The following PCDHGB2 variants were observed in gnomAD, a reference collection of about 807,000 sequenced individuals.
The protein encoded by PCDHGB2 is protocadherin gamma subfamily B, 2, also known as protocadherin gamma-B2.
In PCDHGB2, 55 loss-of-function variants were observed where a neutral mutation model predicts 59.3. That is an observed-to-expected ratio of 0.93 (90% CI 0.75 to 1.16). The LOEUF (loss-of-function observed/expected upper bound fraction) is 1.16. Ranked by LOEUF, PCDHGB2 falls within the 50% of genes most tolerant of loss-of-function variation. PCDHGB2 has a pLI of 0.00. For synonymous variants in PCDHGB2, 516 were observed against 512.0 expected (o/e 1.01, Z -0.11); for missense variants, 1,228 against 1,198.5 (o/e 1.02, Z -0.36).
chr5:141,494,528 G>A lies in PCDHGB2; in HGVS notation c.2422-279G>A, dbSNP rs189993899. On this transcript the variant is annotated intron_variant, in intron 1 of 3. Coordinates refer to ENST00000522605, the MANE Select transcript of PCDHGB2 (RefSeq NM_018923.3). ...ATTTTGGCTCAGGAGTTCTGACTCTGGGGGCAGGGAGGAAGGGGCCATTTC... is the reference window on the plus strand; with the variant it reads ...ATTTTGGCTCAGGAGTTCTGACTCTAGGGGCAGGGAGGAAGGGGCCATTTC... 3.0e-4 allele frequency among the ~76,000 whole-genome samples: 45 copies of A among 152,274 alleles called. 1 individual carries two copies. Among genetic ancestry groups the A allele is most frequent in the African/African-American group, 1.0e-3 (42 of 41,542 alleles).
intron 1 of PCDHGB2, chr5:141,409,496 C>CT (rs1276498782): frequency 6.2e-7 from 1 of 1,614,044 alleles, no homozygotes; most frequent in South Asian, 1.1e-5. Context: ...CAAGCCGCCT[C>CT]TTTCTTCCAG....
At chr5:141,473,401 T>G (rs1285517100) in intron 1 of PCDHGB2, among the ~76,000 whole-genome samples, 3 of 152,222 alleles carry the variant, frequency 2.0e-5, no homozygotes. Context: ...GCTTCTTTTT[T>G]TCTTCTTCAG....
In PCDHGB2 at chr5:141,487,476, A is replaced by G; in HGVS notation, c.2422-7331A>G. Reference sequence around the variant, plus strand: ...ATCAAGTTTGTTGATGTGGGAGGCCACTCTCATGGCTGTACACCCTTGGCT... The same window carrying G: ...ATCAAGTTTGTTGATGTGGGAGGCCGCTCTCATGGCTGTACACCCTTGGCT... On this transcript the variant is annotated intron_variant, in intron 1 of 3. Transcript: ENST00000522605. The surrounding 1 kb of genome is among the most constrained non-coding windows in gnomAD (Gnocchi z 5.0). The G allele has an allele frequency of 6.2e-7, 1 of 1,614,004 alleles. No homozygotes were observed. Among genetic ancestry groups the G allele is most frequent in the Non-Finnish European group, 8.5e-7 (1 of 1,180,002 alleles).
rs201412037 is a variant in PCDHGB2, at chr5:141,421,093, A to G, written c.2421+58537A>G. The G allele has an allele frequency of 3.5e-5, 23 of 665,630 alleles. No homozygotes were observed. In the East Asian group the frequency reaches 6.2e-4, roughly 18 times the overall value. 41.2% of individuals were successfully genotyped at this position (665,630 alleles called of 1,614,324 possible). On this transcript the variant is annotated intron_variant, in intron 1 of 3. Coordinates refer to ENST00000522605, the MANE Select transcript of PCDHGB2 (RefSeq NM_018923.3). ...GAGATGGATACTCACAGATCCTGAC[A>G]CTGGAGACTTAGAAGTATTTTCCTT... is the stretch of plus-strand genomic sequence containing the variant.
Position 141,487,623 on chromosome 5 carries a change from CT to C in PCDHGB2, c.2422-7181del. 1 of 1,614,206 alleles carries C rather than the reference CT, an allele frequency of 6.2e-7. No homozygotes were observed. Among genetic ancestry groups the C allele is most frequent in the Non-Finnish European group, 8.5e-7 (1 of 1,180,044 alleles). On this transcript the variant is annotated intron_variant, in intron 1 of 3. Transcript: ENST00000522605. This position sits in a 1 kb window ranked among gnomAD's most constrained non-coding sequence, Gnocchi z 5.0. ...CTTCTCTATGGGCTAGAGGTGAGAC[CT>C]TTGCAGGCTCAACAAATGCTTGAGG...
intron 1 of PCDHGB2, chr5:141,419,230 C>G (rs1439568232): frequency 6.2e-7 from 1 of 1,613,910 alleles, no homozygotes; most frequent in Non-Finnish European, 8.5e-7. Context: ...AGTCAGCCTA[C>G]CTGGTCCACG....
chr5:141,508,241 T>G (rs1475142426), intron 3 of PCDHGB2: 2 of 152,286 alleles, frequency 1.3e-5, no homozygotes, highest in East Asian at 3.9e-4. Context: ...CTCCTAAGTC[T>G]GCCTCTCCTG....
chr5:141,375,671 C>T (rs781705381), intron 1 of PCDHGB2: 14 of 1,614,148 alleles, frequency 8.7e-6, no homozygotes, highest in South Asian at 7.7e-5. Context: ...AGACCTACAG[C>T]TGTGGGTGAC....
chr5:141,400,858 G>A (rs1332975731), intron 1 of PCDHGB2, among the ~76,000 whole-genome samples: 1 of 152,108 alleles, frequency 6.6e-6, no homozygotes, highest in Non-Finnish European at 1.5e-5. Context: ...TTTATTGTAT[G>A]TAGATAAACC....
intron 1 of PCDHGB2, chr5:141,395,542 T>G (rs1357533541): frequency 1.8e-5 from 3 of 170,278 alleles, no homozygotes; most frequent in South Asian, 8.8e-5. Context: ...TTGCTATTGT[T>G]TGTGTGTGTG....
intron 1 of PCDHGB2, chr5:141,478,776 A>G (rs961079570): frequency 1.3e-6 from 2 of 1,488,690 alleles, no homozygotes; most frequent in East Asian, 2.5e-5. Flanking sequence ...TCATCTGTGG[A>G]CCTAATTCAC....
At chr5:141,372,314 G>T (rs369724462) in intron 1 of PCDHGB2, 1 of 1,613,578 alleles carries the variant, frequency 6.2e-7, no homozygotes, top group East Asian at 2.2e-5. Context: ...CCGCCCGCCA[G>T]CGCCTGCTGG....
In PCDHGB2 at chr5:141,489,152, A is replaced by C; in HGVS notation, c.2422-5655A>C. The C allele has an allele frequency of 2.1e-6, 2 of 960,350 alleles. No individual in the cohort carries two copies. Among genetic ancestry groups the C allele is most frequent in the Non-Finnish European group, 3.1e-6 (2 of 640,552 alleles). 59.5% of individuals were successfully genotyped at this position (960,350 alleles called of 1,614,324 possible). A position where few individuals can be genotyped will look rare whatever the true frequency, so the allele number is the denominator to read the frequency against. On this transcript the variant is annotated intron_variant, in intron 1 of 3. Transcript: ENST00000522605. This position sits in a 1 kb window ranked among gnomAD's most constrained non-coding sequence, Gnocchi z 4.5. The stretch of plus-strand genomic sequence containing the variant: ...TTTTAAGAGGCTGGAAGGAGACATA[A>C]GAGACTTCAGCTGCTGCATTCCAAG...
intron 1 of PCDHGB2, chr5:141,441,111 G>A (rs1457975305): frequency 1.3e-5 from 2 of 152,194 alleles, no homozygotes; most frequent in Non-Finnish European, 1.5e-5. Flanking sequence ...TCATTGTCCA[G>A]TGTACAGTTG....
At chr5:141,427,386 A>G (rs2097020887) in intron 1 of PCDHGB2, 1 of 459,098 alleles carries the variant, frequency 2.2e-6, no homozygotes, top group Non-Finnish European at 4.4e-6. Context: ...CACTCTGTTC[A>G]AAACACATGA....
At chr5:141,372,937 G>C (rs894509866) in intron 1 of PCDHGB2, 5 of 831,174 alleles carry the variant, frequency 6.0e-6, no homozygotes, top group Non-Finnish European at 9.0e-6. Context: ...GTGTAGAGTA[G>C]GGTGTCTAGG....
chr5:141,437,512 G>A (rs1201910374), intron 1 of PCDHGB2, among the ~76,000 whole-genome samples: 2 of 152,144 alleles, frequency 1.3e-5, no homozygotes, highest in African/African-American at 2.4e-5. Flanking sequence ...TGAATTATAA[G>A]GCTGATGACA....
At chr5:141,375,214 C>G in intron 1 of PCDHGB2, 1 of 1,613,810 alleles carries the variant, frequency 6.2e-7, no homozygotes. Flanking sequence ...GAGACTCTGG[C>G]CTGAATGGCC....
rs1182148013 is a variant in PCDHGB2 at position 141,431,510 on chromosome 5, G to A, written c.2422-63297G>A. 2 of 1,613,904 alleles carry A rather than the reference G, an allele frequency of 1.2e-6. No individual in the cohort carries two copies. Among genetic ancestry groups the A allele is most frequent in the Admixed American group, 1.7e-5 (1 of 60,016 alleles). Reference sequence around the variant, plus strand: ...TGCTCAGCCCGAGTACCGCGCGAGCGTTCCGGAGAATCTGGCCTTGGGCAC... The same window carrying A: ...TGCTCAGCCCGAGTACCGCGCGAGCATTCCGGAGAATCTGGCCTTGGGCAC... On this transcript the variant is annotated intron_variant, in intron 1 of 3. Coordinates refer to ENST00000522605, the MANE Select transcript of PCDHGB2 (RefSeq NM_018923.3). The surrounding 1 kb of genome is among the most constrained non-coding windows in gnomAD (Gnocchi z 4.8).
Sources: gnomAD v4.1 joint callset for allele counts (sites outside exome capture counted in the v4.1 genomes callset) on GRCh38, gnomAD v4.1.1 for gene constraint, Gnocchi (gnomAD v3.1) non-coding constraint, MANE v1.5 for transcripts, NCBI Gene and HGNC (gene_info 2026-07-23, HGNC 2026-07-21) for gene names.